TSPAN14: variants seen among roughly 807,000 people sequenced by gnomAD.
The protein encoded by TSPAN14 is tetraspanin 14, also known as tetraspanin-14.
Under a neutral mutation model 36.6 loss-of-function variants are expected in TSPAN14, and 16 were observed. That is an observed-to-expected ratio of 0.44 (90% CI 0.30 to 0.66). TSPAN14 has a LOEUF of 0.66. Among genes scored for constraint, TSPAN14 ranks in the 30% least tolerant of loss-of-function variants. TSPAN14 has a pLI of 0.12. For synonymous variants in TSPAN14, 139 were observed against 143.8 expected (o/e 0.97, Z 0.24); for missense variants, 231 against 355.1 (o/e 0.65, Z 2.81).
chr10:80,517,934 G>A lies in TSPAN14; in HGVS notation c.771G>A (p.Leu257=), dbSNP rs563620377. The change falls in exon 9 of 9, where the codon CTG becomes CTA. Residue 257 remains leucine (L), a synonymous_variant. Transcript: ENST00000429989. Reference sequence around the variant, plus strand: ...TTGGCATCTTCCTGGCAAGGACGCTGATCTCAGACATCGAGGCAGTGAAGG... The same window carrying A: ...TTGGCATCTTCCTGGCAAGGACGCTAATCTCAGACATCGAGGCAGTGAAGG... 12 of 1,567,526 alleles carry A rather than the reference G, an allele frequency of 7.7e-6. No individual in the cohort carries two copies. In the South Asian group the frequency reaches 1.2e-4, roughly 15 times the overall value.
intron 1 of TSPAN14, among the ~76,000 whole-genome samples, chr10:80,480,581 C>T (rs1353492203): frequency 1.3e-5 from 2 of 152,154 alleles, no homozygotes; most frequent in African/African-American, 4.8e-5. Context: ...ACATATACAC[C>T]ATGGAATACT....
At position 80,457,953 on chromosome 10, in the gene TSPAN14, G is replaced by A. The variant is rs114481341; in HGVS notation, c.-18+3582G>A. ...GAACACCCCTGGTGGCTTGGACAGA[G>A]GGACAGAGAACATGATGATCCCTGT... On this transcript the variant is annotated intron_variant, in intron 1 of 8. Coordinates refer to ENST00000429989, the Ensembl canonical transcript of TSPAN14. Among the ~76,000 whole-genome samples, 944 of 152,370 alleles carry A rather than the reference G, an allele frequency of 6.2e-3. 11 individuals are homozygous for A. The highest frequency in any genetic ancestry group is 0.022 in the African/African-American group (900 of 41,584).
intron 2 of TSPAN14, among the ~76,000 whole-genome samples, chr10:80,502,049 G>T (rs1246481462): frequency 6.6e-6 from 1 of 152,228 alleles, no homozygotes; most frequent in African/African-American, 2.4e-5. Flanking sequence ...TGGAGGATGG[G>T]GAGCAGTTCC....
At chr10:80,512,203 C>T in exon 6 of TSPAN14, 2 of 1,614,234 alleles carry the variant, frequency 1.2e-6, no homozygotes, top group Non-Finnish European at 1.7e-6. Context: ...ACTTCAATTG[C>T]AGCGGTGCCA....
intron 6 of TSPAN14, among the ~76,000 whole-genome samples, chr10:80,513,394 G>A (rs1840761569): frequency 6.6e-6 from 1 of 152,202 alleles, no homozygotes; most frequent in African/African-American, 2.4e-5. Flanking sequence ...AGAAGGCAGA[G>A]CATCACCACT....
At chr10:80,494,611 C>T (rs1334893665) in intron 2 of TSPAN14, among the ~76,000 whole-genome samples, 1 of 152,172 alleles carries the variant, frequency 6.6e-6, no homozygotes, top group East Asian at 1.9e-4. Flanking sequence ...CCAGGATAGT[C>T]TGCTGTTCCT....
At chr10:80,518,322 C>G (rs935253894) in exon 9 of TSPAN14, 4 of 333,024 alleles carry the variant, frequency 1.2e-5, no homozygotes, top group Non-Finnish European at 1.7e-5. Flanking sequence ...TGCAGGACAC[C>G]CTGGTCCCCT....
At position 80,509,247 on chromosome 10, in the gene TSPAN14, G is replaced by C; in HGVS notation, c.280-54G>C. 1.9e-6 allele frequency: 3 copies of C among 1,573,608 alleles called. No homozygotes were observed. The highest frequency in any genetic ancestry group is 2.1e-4 in the Middle Eastern group (1 of 4,872). On this transcript the variant is annotated intron_variant, in intron 4 of 8. Transcript: ENST00000429989. The surrounding 1 kb of genome is among the most constrained non-coding windows in gnomAD (Gnocchi z 4.7). ...CTGGGTCAGGTGGGGTTATGTGTGTGGGGGTGCAGGCTGGTGGGGTGGTGA... is the reference window on the plus strand; with the variant it reads ...CTGGGTCAGGTGGGGTTATGTGTGTCGGGGTGCAGGCTGGTGGGGTGGTGA...
At chr10:80,469,526 C>A (rs1014534329) in intron 1 of TSPAN14, among the ~76,000 whole-genome samples, 1 of 152,150 alleles carries the variant, frequency 6.6e-6, no homozygotes, top group Non-Finnish European at 1.5e-5. Context: ...CCCTGACTCT[C>A]CTGCTCAGCT....
Position 80,509,334 on chromosome 10 carries a change from G to A in TSPAN14, c.313G>A (p.Glu105Lys). Residue 105 changes from glutamate to lysine, a missense_variant, in exon 5 of 9, where the codon GAG (glutamate) becomes AAG (lysine). Physicochemically the swap from Glu to Lys is moderately conservative, Grantham distance 56. Coordinates refer to ENST00000429989, the Ensembl canonical transcript of TSPAN14. The surrounding 1 kb of genome is among the most constrained non-coding windows in gnomAD (Gnocchi z 4.7). ...CACCATCGTGCTCATCTTCTTCCTG[G>A]AGCTGGCTGTGGCCGTGCTGGCCTT... The A allele has an allele frequency of 6.2e-7, 1 of 1,614,062 alleles. No individual in the cohort carries two copies. Among genetic ancestry groups the A allele is most frequent in the Non-Finnish European group, 8.5e-7 (1 of 1,180,010 alleles).
chr10:80,488,560 AG>A (rs35708088), intron 1 of TSPAN14, among the ~76,000 whole-genome samples: 18 of 151,986 alleles, frequency 1.2e-4, no homozygotes, highest in Non-Finnish European at 2.4e-4. Flanking sequence ...GGGAGGGAGC[AG>A]GGGGATGGCT....
chr10:80,484,240 TAA>T (rs754254301), intron 1 of TSPAN14, among the ~76,000 whole-genome samples: 1 of 145,948 alleles, frequency 6.9e-6, no homozygotes. Flanking sequence ...AGGACTTGTT[TAA>T]AAAAAAAAAA....
chr10:80,457,843 G>T (rs895218517), intron 1 of TSPAN14, among the ~76,000 whole-genome samples: 3 of 152,226 alleles, frequency 2.0e-5, no homozygotes, highest in Non-Finnish European at 4.4e-5. Flanking sequence ...TAAAGCAACA[G>T]AGGTTTATTT....
intron 1 of TSPAN14, among the ~76,000 whole-genome samples, chr10:80,470,370 C>T (rs1262838000): frequency 1.3e-5 from 2 of 152,256 alleles, no homozygotes; most frequent in African/African-American, 2.4e-5. Context: ...TGAACCGCTG[C>T]GCCCAGCCTT....
intron 1 of TSPAN14, among the ~76,000 whole-genome samples, chr10:80,475,396 T>G (rs992614491): frequency 7.9e-5 from 12 of 152,166 alleles, no homozygotes; most frequent in African/African-American, 2.4e-4. Context: ...TGAAACCCTA[T>G]TTCTACAAAA....
intron 4 of TSPAN14, 116 bp downstream of exon 4, chr10:80,507,490 GCCC>G: frequency 7.0e-7 from 1 of 1,432,144 alleles, no homozygotes; most frequent in South Asian, 1.3e-5. Flanking sequence ...CCTCCCCTAG[GCCC>G]CTGCCTGGGA....
At chr10:80,468,091 C>CA (rs1285262883) in intron 1 of TSPAN14, among the ~76,000 whole-genome samples, 1 of 152,142 alleles carries the variant, frequency 6.6e-6, no homozygotes, top group African/African-American at 2.4e-5. Context: ...TTCTAGGAGA[C>CA]AAAATGTTCT....
chr10:80,475,734 C>T (rs1846835343), intron 1 of TSPAN14, among the ~76,000 whole-genome samples: 3 of 152,154 alleles, frequency 2.0e-5, no homozygotes, highest in African/African-American at 7.2e-5. Flanking sequence ...TTATAGGCGC[C>T]TGCCACCACA....
chr10:80,494,613 G>C (rs1444135590), intron 2 of TSPAN14, among the ~76,000 whole-genome samples: 1 of 152,158 alleles, frequency 6.6e-6, no homozygotes, highest in African/African-American at 2.4e-5. Flanking sequence ...AGGATAGTCT[G>C]CTGTTCCTGG....
Sources: gnomAD v4.1 joint callset for allele counts (sites outside exome capture counted in the v4.1 genomes callset) on GRCh38, gnomAD v4.1.1 for gene constraint, Gnocchi (gnomAD v3.1) non-coding constraint, MANE v1.5 for transcripts, NCBI Gene and HGNC (gene_info 2026-07-23, HGNC 2026-07-21) for gene names.